FRY: variants seen among roughly 807,000 people sequenced by gnomAD.
FRY encodes the protein FRY microtubule binding protein.
Under a neutral mutation model 348.4 loss-of-function variants are expected in FRY, and 128 were observed. The observed-to-expected ratio is 0.37, with a 90% CI of 0.32 to 0.43. The LOEUF is 0.43. Among genes scored for constraint, FRY ranks in the 20% least tolerant of loss-of-function variants. The pLI, the probability that FRY is intolerant of heterozygous loss-of-function variation, is 1.00. For missense variants in FRY, 2,736 were observed against 3,695.2 expected, an observed-to-expected ratio of 0.74 and a Z score of 6.73; for synonymous variants, 1,370 against 1,374.7, an observed-to-expected ratio of 1.00 and a Z score of 0.08.
At chr13:32,075,854 A>G (rs1377317374) in intron 1 of FRY, among the ~76,000 whole-genome samples, 2 of 152,224 alleles carry the variant, frequency 1.3e-5, no homozygotes, top group South Asian at 2.1e-4. Flanking sequence ...TTTGAAACTC[A>G]GAATGATGAG....
chr13:32,214,259 A>G (rs144873181), intron 35 of FRY, among the ~76,000 whole-genome samples: 276 of 152,250 alleles, frequency 1.8e-3, no homozygotes, highest in African/African-American at 6.3e-3. Context: ...ATGTTGATAT[A>G]TGGGTGCTTA....
At chr13:32,115,182 G>T (rs1057090418) in intron 3 of FRY, among the ~76,000 whole-genome samples, 2 of 152,162 alleles carry the variant, frequency 1.3e-5, no homozygotes, top group Non-Finnish European at 2.9e-5. Flanking sequence ...CAATCTTAAG[G>T]TTTCTTTTAA....
chr13:32,076,520 A>T (rs767512455), intron 1 of FRY, among the ~76,000 whole-genome samples: 2 of 152,164 alleles, frequency 1.3e-5, no homozygotes, highest in Non-Finnish European at 2.9e-5. Flanking sequence ...CTTGATTTTC[A>T]ATATGCCCCT....
intron 40 of FRY, among the ~76,000 whole-genome samples, chr13:32,229,727 T>C (rs1041598871): frequency 6.6e-6 from 1 of 152,250 alleles, no homozygotes; most frequent in African/African-American, 2.4e-5. Context: ...TGACAGAGGC[T>C]GTGTATTCAG....
In FRY at chr13:32,124,816, C is replaced by T. The variant is rs752404364; in HGVS notation, c.657C>T (p.Gly219=). Residue 219 remains glycine (G), a synonymous_variant, in exon 7 of 61, where the codon GGC becomes GGT. Transcript: ENST00000542859. ...TTAGGTACCTTGGTCCCAACACTGG[C>T]AATATGCATATTGTGGCAGACCTGT... ...YKEGYLGPNT[G]NMHIVADLYA... 1.6e-5 allele frequency: 25 copies of T among 1,612,460 alleles called. No homozygotes were observed. In the South Asian group the frequency reaches 2.7e-4, roughly 18 times the overall value.
At position 32,181,028 on chromosome 13, in the gene FRY, T is replaced by C. The variant is rs866577063; in HGVS notation, c.2996+1229T>C. On this transcript the variant is annotated intron_variant, in intron 23 of 60. Coordinates refer to ENST00000542859, the MANE Select transcript of FRY (RefSeq NM_023037.3). ...GCCTCAGCCTCCTGAGTAGCTGGGA[T>C]TACAGGCACGCACCACCACTCCTGG... Among the ~76,000 whole-genome samples, 16 of 152,014 alleles carry C rather than the reference T, an allele frequency of 1.1e-4. No individual in the cohort carries two copies. The East Asian group carries it at 2.4e-3, about 22-fold the overall frequency.
At chr13:32,281,050 A>G (rs1343305695) in intron 58 of FRY, among the ~76,000 whole-genome samples, 1 of 151,760 alleles carries the variant, frequency 6.6e-6, no homozygotes, top group Non-Finnish European at 1.5e-5. Context: ...CTTTGCTTCT[A>G]TTTTGTAGTA....
chr13:32,263,774 C>T (rs1261246014), intron 53 of FRY, among the ~76,000 whole-genome samples: 4 of 152,108 alleles, frequency 2.6e-5, no homozygotes, highest in African/African-American at 9.7e-5. Flanking sequence ...TTCGGGAGGC[C>T]GAGGCGGGTG....
At chr13:32,150,738 C>T (rs1039167274) in intron 14 of FRY, among the ~76,000 whole-genome samples, 1 of 152,182 alleles carries the variant, frequency 6.6e-6, no homozygotes, top group Admixed American at 6.5e-5. Flanking sequence ...ATATTATCAC[C>T]TGGCTCCTTC....
At chr13:32,038,880 G>T (rs547904694) in intron 1 of FRY, among the ~76,000 whole-genome samples, 6 of 152,306 alleles carry the variant, frequency 3.9e-5, no homozygotes, top group African/African-American at 1.4e-4. Context: ...CATCAACTAA[G>T]CACAACACAC....
intron 51 of FRY, among the ~76,000 whole-genome samples, chr13:32,259,169 A>G (rs1481173982): frequency 6.6e-6 from 1 of 152,156 alleles, no homozygotes; most frequent in African/African-American, 2.4e-5. Flanking sequence ...TAAAATACAA[A>G]TCTGACATTT....
chr13:32,142,051 C>T (rs556913361), intron 11 of FRY, among the ~76,000 whole-genome samples: 1 of 152,178 alleles, frequency 6.6e-6, no homozygotes, highest in East Asian at 1.9e-4. Flanking sequence ...ACACAGAAAT[C>T]AGTGGTTTGA....
At chr13:32,116,226 C>T (rs1385563397) in intron 3 of FRY, among the ~76,000 whole-genome samples, 1 of 152,030 alleles carries the variant, frequency 6.6e-6, no homozygotes, top group East Asian at 1.9e-4. Context: ...AGATGTTATG[C>T]CTGTTTTTTT....
At chr13:32,136,203 T>C (rs981403143) in intron 10 of FRY, among the ~76,000 whole-genome samples, 2 of 152,184 alleles carry the variant, frequency 1.3e-5, no homozygotes, top group Admixed American at 1.3e-4. Context: ...GGGTTCTGCA[T>C]GTATGATTTT....
In FRY at chr13:32,184,970, T is replaced by C; in HGVS notation, c.3147-6T>C. Reference sequence around the variant, plus strand: ...CATCTAAAAGTTTCATTTTCCTTTATTCCAGCACAAATGGAGCCCTAGAGC... The same window carrying C: ...CATCTAAAAGTTTCATTTTCCTTTACTCCAGCACAAATGGAGCCCTAGAGC... On this transcript the variant is annotated splice_polypyrimidine_tract_variant and splice_region_variant and intron_variant, in intron 25 of 60. Coordinates refer to ENST00000542859, the MANE Select transcript of FRY (RefSeq NM_023037.3). 6.2e-7 allele frequency: 1 copy of C among 1,613,158 alleles called. No homozygotes were observed. Among genetic ancestry groups the C allele is most frequent in the Non-Finnish European group, 8.5e-7 (1 of 1,179,270 alleles).
At chr13:32,250,246 A>G (rs1887007945) in intron 49 of FRY, among the ~76,000 whole-genome samples, 1 of 152,220 alleles carries the variant, frequency 6.6e-6, no homozygotes, top group African/African-American at 2.4e-5. Flanking sequence ...CCTGTCAAGT[A>G]AAACTTCTGC....
At chr13:32,085,653 G>C (rs1395409783) in intron 2 of FRY, among the ~76,000 whole-genome samples, 1 of 152,162 alleles carries the variant, frequency 6.6e-6, no homozygotes, top group Non-Finnish European at 1.5e-5. Context: ...ATGCTCATTT[G>C]TCCTCATCAC....
chr13:32,095,196 A>AG (rs1876605250), intron 2 of FRY, among the ~76,000 whole-genome samples: 1 of 20,198 alleles, frequency 5.0e-5, no homozygotes, highest in Non-Finnish European at 1.1e-3. Flanking sequence ...TCGGATGATT[A>AG]GATTTTTTCC....
chr13:32,219,125 G>A (rs1229206454), intron 36 of FRY, among the ~76,000 whole-genome samples: 2 of 129,464 alleles, frequency 1.5e-5, no homozygotes, highest in Non-Finnish European at 3.1e-5. Context: ...GTCTCGCTTT[G>A]TCGCCCAGGC....
Sources: allele counts gnomAD v4.1 joint callset (sites outside exome capture counted in the v4.1 genomes callset), GRCh38; gene constraint gnomAD v4.1.1; transcripts MANE v1.5; gene names NCBI Gene and HGNC (gene_info 2026-07-23, HGNC 2026-07-21).